Variants in MAGI1 observed in about 807,000 individuals in gnomAD.
The protein encoded by MAGI1 is membrane-associated guanylate kinase, WW and PDZ domain-containing protein 1.
MAGI1 carries 58 observed loss-of-function variants against 139.9 expected under a neutral mutation model. The observed-to-expected ratio is 0.41, with a 90% confidence interval of 0.34 to 0.52. The LOEUF (loss-of-function observed/expected upper bound fraction) is 0.52, where lower values mean the gene tolerates loss of function less well. Ranked by LOEUF, MAGI1 falls within the 20% of genes least tolerant of loss-of-function variation. The pLI, the probability that MAGI1 is intolerant of heterozygous loss-of-function variation, is 0.12. For missense variants in MAGI1, 1,874 were observed against 1,901.6 expected (o/e 0.99, Z 0.27); for synonymous variants, 812 against 737.9 (o/e 1.10, Z -1.63).
chr3:65,449,165 C>A (rs903886979), intron 6 of MAGI1, among the ~76,000 whole-genome samples: 1 of 151,596 alleles, frequency 6.6e-6, no homozygotes, highest in African/African-American at 2.4e-5. Flanking sequence ...AGGAGAAATA[C>A]CTAATGTAAA....
At chr3:65,905,706 T>C (rs1380637656) in intron 1 of MAGI1, among the ~76,000 whole-genome samples, 2 of 152,094 alleles carry the variant, frequency 1.3e-5, no homozygotes, top group Non-Finnish European at 2.9e-5. Flanking sequence ...AAAACAGACT[T>C]TGCACCTCAG....
chr3:65,858,220 A>G (rs1353034810), intron 1 of MAGI1, among the ~76,000 whole-genome samples: 1 of 152,262 alleles, frequency 6.6e-6, no homozygotes, highest in Non-Finnish European at 1.5e-5. Context: ...AACAAAACTC[A>G]TGACCAGCAG....
At chr3:65,803,261 T>C (rs2040629975) in intron 1 of MAGI1, among the ~76,000 whole-genome samples, 1 of 152,152 alleles carries the variant, frequency 6.6e-6, no homozygotes, top group Admixed American at 6.6e-5. Flanking sequence ...AATTTAACAC[T>C]GTTTGGACTA....
At chr3:65,786,925 T>C (rs1452252157) in intron 1 of MAGI1, among the ~76,000 whole-genome samples, 1 of 152,152 alleles carries the variant, frequency 6.6e-6, no homozygotes, top group African/African-American at 2.4e-5. Context: ...CCAAGAATCT[T>C]TTAATGCTGA....
At chr3:65,796,120 G>A (rs79645678) in intron 1 of MAGI1, among the ~76,000 whole-genome samples, 7,452 of 151,760 alleles carry the variant, frequency 0.049, 595 homozygotes, top group African/African-American at 0.17. Context: ...AGGATGGCGA[G>A]TCCAAAATTG....
intron 1 of MAGI1, among the ~76,000 whole-genome samples, chr3:65,649,406 T>A (rs2085458892): frequency 6.6e-6 from 1 of 152,052 alleles, no homozygotes; most frequent in Non-Finnish European, 1.5e-5. Context: ...TAAAGTAAAA[T>A]GTGTGAAGTC....
intron 1 of MAGI1, among the ~76,000 whole-genome samples, chr3:65,690,443 T>A (rs952761659): frequency 8.5e-5 from 13 of 152,140 alleles, no homozygotes; most frequent in African/African-American, 3.1e-4. Context: ...TGAATTTTTT[T>A]AGTCAAAAAC....
At chr3:65,652,577 C>G (rs2085646592) in intron 1 of MAGI1, among the ~76,000 whole-genome samples, 1 of 152,168 alleles carries the variant, frequency 6.6e-6, no homozygotes, top group South Asian at 2.1e-4. Flanking sequence ...TTGAGAGCTA[C>G]TGCTTTAACT....
chr3:65,405,391 GA>G (rs1383349847), intron 12 of MAGI1, among the ~76,000 whole-genome samples: 7 of 152,100 alleles, frequency 4.6e-5, no homozygotes, highest in African/African-American at 1.7e-4. Context: ...TAATTTATAT[GA>G]AAAAAGTAAA....
intron 1 of MAGI1, among the ~76,000 whole-genome samples, chr3:65,716,834 G>T (rs527284048): frequency 1.1e-4 from 17 of 152,294 alleles, no homozygotes; most frequent in African/African-American, 4.1e-4. Context: ...TTAAAAAGTG[G>T]TTTTCCAAAC....
At position 65,627,137 on chromosome 3, in the gene MAGI1, A is replaced by T. The variant is rs559283753; in HGVS notation, c.314-5049T>A. On this transcript the variant is annotated intron_variant, in intron 1 of 22. Transcript: ENST00000402939. Reference sequence around the variant, plus strand: ...CTTCTCTATGTTTGCATATGTTTAGATACACAAATACTTACCATTGTGTTA... The same window carrying T: ...CTTCTCTATGTTTGCATATGTTTAGTTACACAAATACTTACCATTGTGTTA... Among the ~76,000 whole-genome samples the T allele has an allele frequency of 2.9e-3, 439 of 152,310 alleles. 3 individuals carry two copies. Among genetic ancestry groups the T allele is most frequent in the Admixed American group, 4.5e-3 (69 of 15,306 alleles).
intron 5 of MAGI1, among the ~76,000 whole-genome samples, chr3:65,466,616 T>C (rs1181284014): frequency 1.3e-5 from 2 of 152,132 alleles, no homozygotes; most frequent in South Asian, 2.1e-4. Flanking sequence ...CTCTTCACCA[T>C]TGGATGGGGG....
At chr3:65,412,656 T>C (rs576314245) in intron 12 of MAGI1, among the ~76,000 whole-genome samples, 1 of 152,326 alleles carries the variant, frequency 6.6e-6, no homozygotes, top group South Asian at 2.1e-4. Context: ...GAAGAGCTGA[T>C]GAGGCAAAGG....
At chr3:66,030,422 G>C (rs2068526528) in intron 1 of MAGI1, among the ~76,000 whole-genome samples, 1 of 152,084 alleles carries the variant, frequency 6.6e-6, no homozygotes, top group African/African-American at 2.4e-5. Context: ...TTTGCTACTG[G>C]GGATACTGTG....
chr3:65,492,669 T>C (rs1171723046), intron 3 of MAGI1, among the ~76,000 whole-genome samples: 2 of 152,154 alleles, frequency 1.3e-5, no homozygotes, highest in African/African-American at 2.4e-5. Context: ...CATGCACACA[T>C]GTACATACGC....
intron 12 of MAGI1, among the ~76,000 whole-genome samples, chr3:65,428,183 C>T (rs1030043942): frequency 6.6e-6 from 1 of 152,084 alleles, no homozygotes; most frequent in Non-Finnish European, 1.5e-5. Flanking sequence ...CCTGTTGCAA[C>T]AAACCAAAAG....
chr3:65,752,305 T>C (rs1559848572), intron 1 of MAGI1, among the ~76,000 whole-genome samples: 1 of 152,184 alleles, frequency 6.6e-6, no homozygotes, highest in Non-Finnish European at 1.5e-5. Context: ...TACTTTAATA[T>C]GGTGTTAGGT....
intron 1 of MAGI1, among the ~76,000 whole-genome samples, chr3:65,722,946 T>TA (rs1162886373): frequency 6.7e-6 from 1 of 149,720 alleles, no homozygotes; most frequent in Non-Finnish European, 1.5e-5. Flanking sequence ...TTTTTATAGA[T>TA]ACAAGATGTA....
intron 1 of MAGI1, chr3:65,874,689 G>A (rs2060052407): frequency 6.6e-6 from 1 of 152,174 alleles, no homozygotes; most frequent in Admixed American, 6.5e-5. Flanking sequence ...GCTGCTTTAG[G>A]AAGCAGTCTG....
Sources: gnomAD v4.1 joint callset for allele counts (sites outside exome capture counted in the v4.1 genomes callset) on GRCh38, gnomAD v4.1.1 for gene constraint, MANE v1.5 for transcripts, NCBI Gene and HGNC (gene_info 2026-07-23, HGNC 2026-07-21) for gene names.